CHN1: variants seen among roughly 807,000 people sequenced by gnomAD.
CHN1 encodes N-chimaerin.
In CHN1, 37 loss-of-function variants were observed where a neutral mutation model predicts 59.5. The observed-to-expected ratio is 0.62, with a 90% confidence interval of 0.48 to 0.82. CHN1 has a LOEUF of 0.82. CHN1 is among the 40% of genes least tolerant of loss of function. The pLI, the probability that CHN1 is intolerant of heterozygous loss-of-function variation, is 0.00. For synonymous variants in CHN1, 206 were observed against 200.4 expected (o/e 1.03, Z -0.24); for missense variants, 469 against 571.0 (o/e 0.82, Z 1.82).
At chr2:174,986,764 TC>T (rs755028327) in intron 1 of CHN1, among the ~76,000 whole-genome samples, 19 of 152,356 alleles carry the variant, frequency 1.2e-4, no homozygotes, top group Non-Finnish European at 1.9e-4. Context: ...TGAGACGGAG[TC>T]TCACTCTGTT....
rs1689262527 is a variant in CHN1 at position 174,929,277 on chromosome 2, C to T, written c.115-10712G>A. ...GTTGTTTTTTAATACCCTATAAATA[C>T]TACTTAATAACTTGCGAAGGCCAGA... On this transcript the variant is annotated intron_variant, in intron 3 of 12. Coordinates refer to ENST00000409900, the MANE Select transcript of CHN1 (RefSeq NM_001822.7). Among the ~76,000 whole-genome samples, 5 of 152,182 alleles carry T rather than the reference C, an allele frequency of 3.3e-5. No homozygotes were observed. The South Asian group carries it at 1.0e-3, about 32-fold the overall frequency.
intron 7 of CHN1, among the ~76,000 whole-genome samples, chr2:174,834,914 A>G (rs2105416907): frequency 6.6e-6 from 1 of 152,364 alleles, no homozygotes; most frequent in East Asian, 1.9e-4. Flanking sequence ...ATGTGAAAAT[A>G]AAACTTAAGA....
At chr2:174,823,560 G>C (rs994498612) in intron 8 of CHN1, among the ~76,000 whole-genome samples, 1 of 152,090 alleles carries the variant, frequency 6.6e-6, no homozygotes, top group Non-Finnish European at 1.5e-5. Context: ...CTACTCGGGA[G>C]GCTGAGGCAG....
At chr2:174,808,787 T>G (rs1047437733) in intron 11 of CHN1, 118 bp downstream of exon 11, 6 of 1,077,148 alleles carry the variant, frequency 5.6e-6, no homozygotes, top group Non-Finnish European at 7.0e-6. Context: ...ACATTAACCA[T>G]AGAGAGAGGC....
intron 7 of CHN1, among the ~76,000 whole-genome samples, chr2:174,827,775 C>G (rs1268974322): frequency 6.6e-6 from 1 of 152,104 alleles, no homozygotes. Flanking sequence ...CGCTTGGTAA[C>G]TAATTGAAAC....
intron 6 of CHN1, among the ~76,000 whole-genome samples, chr2:174,869,690 T>C (rs1687341878): frequency 6.6e-6 from 1 of 152,192 alleles, no homozygotes. Context: ...TTAAAAATTC[T>C]TGGAAACATG....
intron 6 of CHN1, among the ~76,000 whole-genome samples, chr2:174,859,290 T>C (rs1358006672): frequency 1.3e-5 from 2 of 152,158 alleles, no homozygotes; most frequent in Non-Finnish European, 2.9e-5. Context: ...TAGGAAGATA[T>C]GTCATATTCA....
intron 7 of CHN1, among the ~76,000 whole-genome samples, chr2:174,845,474 G>GT (rs1686475832): frequency 6.6e-6 from 1 of 152,058 alleles, no homozygotes; most frequent in Non-Finnish European, 1.5e-5. Context: ...GTATTGCTTA[G>GT]GTTCCTAAAT....
In CHN1 at chr2:174,957,509, T is replaced by C. The variant is rs73973655; in HGVS notation, c.20-5307A>G. 4.7e-3 allele frequency among the ~76,000 whole-genome samples: 702 copies of C among 150,704 alleles called. 5 individuals carry two copies. The highest frequency in any genetic ancestry group is 0.016 in the African/African-American group (663 of 41,120). ...AATAAGTAAACCATAATTAACTCAA[T>C]TGTATTTTTAATACTAGAAAAAATT... On this transcript the variant is annotated intron_variant, in intron 1 of 12. Coordinates refer to ENST00000409900, the MANE Select transcript of CHN1 (RefSeq NM_001822.7).
At chr2:174,908,294 A>G (rs1375549542) in intron 5 of CHN1, among the ~76,000 whole-genome samples, 2 of 152,180 alleles carry the variant, frequency 1.3e-5, no homozygotes, top group Admixed American at 1.3e-4. Context: ...TCAAAGAAAA[A>G]CTGCTTACTA....
chr2:174,816,779 T>C (rs1685281515), intron 8 of CHN1, among the ~76,000 whole-genome samples: 1 of 152,184 alleles, frequency 6.6e-6, no homozygotes, highest in African/African-American at 2.4e-5. Context: ...TTTATCCATC[T>C]TGTCCAGAAC....
intron 5 of CHN1, among the ~76,000 whole-genome samples, chr2:174,885,514 C>T (rs1687870656): frequency 6.6e-6 from 1 of 151,446 alleles, no homozygotes; most frequent in Non-Finnish European, 1.5e-5. Context: ...TCTTTTTTTT[C>T]TGAGACAGAG....
intron 1 of CHN1, among the ~76,000 whole-genome samples, chr2:174,961,704 T>C (rs1462696208): frequency 3.3e-5 from 5 of 152,098 alleles, no homozygotes; most frequent in African/African-American, 2.4e-5. Context: ...AACAAAAAAA[T>C]TGTTTTACAT....
intron 5 of CHN1, among the ~76,000 whole-genome samples, chr2:174,880,914 C>G (rs1312520637): frequency 6.6e-6 from 1 of 151,868 alleles, no homozygotes; most frequent in Non-Finnish European, 1.5e-5. Flanking sequence ...GGCGTGGTAG[C>G]GCATGCCTGT....
chr2:174,982,574 A>G (rs964322592), intron 1 of CHN1, among the ~76,000 whole-genome samples: 2 of 152,164 alleles, frequency 1.3e-5, no homozygotes, highest in Non-Finnish European at 2.9e-5. Context: ...TTTTAACATA[A>G]AACATTTAAT....
intron 6 of CHN1, among the ~76,000 whole-genome samples, chr2:174,864,990 C>T (rs1045269292): frequency 2.0e-5 from 3 of 152,062 alleles, no homozygotes; most frequent in East Asian, 3.8e-4. Context: ...ATGAAAGGAA[C>T]AAGATTATTT....
intron 6 of CHN1, among the ~76,000 whole-genome samples, chr2:174,858,049 A>G (rs1686960286): frequency 6.6e-6 from 1 of 152,070 alleles, no homozygotes; most frequent in Non-Finnish European, 1.5e-5. Flanking sequence ...CTCAGCAAAC[A>G]CTCTATACTC....
chr2:174,951,113 G>A (rs1690014058), intron 2 of CHN1, among the ~76,000 whole-genome samples: 1 of 152,146 alleles, frequency 6.6e-6, no homozygotes, highest in Admixed American at 6.6e-5. Flanking sequence ...CAGCCAATGA[G>A]ATTATGAGAC....
intron 1 of CHN1, among the ~76,000 whole-genome samples, chr2:174,964,491 A>C (rs1025439869): frequency 2.6e-5 from 4 of 152,240 alleles, no homozygotes; most frequent in African/African-American, 4.8e-5. Flanking sequence ...AGTCCTCTTT[A>C]ACAAACTCCA....
Sources: allele counts gnomAD v4.1 joint callset (sites outside exome capture counted in the v4.1 genomes callset), GRCh38; gene constraint gnomAD v4.1.1; transcripts MANE v1.5; gene names NCBI Gene and HGNC (gene_info 2026-07-23, HGNC 2026-07-21).